EYS: variants seen among roughly 807,000 people sequenced by gnomAD.
EYS encodes protein eyes shut homolog.
Under a neutral mutation model 282.1 loss-of-function variants are expected in EYS, and 250 were observed. The observed-to-expected ratio is 0.89, with a 90% CI of 0.80 to 0.98. The LOEUF (loss-of-function observed/expected upper bound fraction) is 0.98. Among genes scored for constraint, EYS ranks in the 50% least tolerant of loss-of-function variants. The probability of loss-of-function intolerance (pLI) is 0.00; values close to 1 mark genes in which losing one functional copy is unlikely to be tolerated. For missense variants in EYS, 4,016 were observed against 3,709.0 expected (o/e 1.08, Z -2.15); for synonymous variants, 1,355 against 1,282.9 (o/e 1.06, Z -1.20).
chr6:65,138,492 T>A (rs1776085609), intron 12 of EYS, among the ~76,000 whole-genome samples: 1 of 152,122 alleles, frequency 6.6e-6, no homozygotes, highest in Non-Finnish European at 1.5e-5. Flanking sequence ...ATTCCTATTA[T>A]TTCTGCTAAT....
At chr6:63,831,938 A>C (rs1771651004) in intron 36 of EYS, among the ~76,000 whole-genome samples, 1 of 152,226 alleles carries the variant, frequency 6.6e-6, no homozygotes, top group Admixed American at 6.5e-5. Context: ...AACTACATGG[A>C]AACTGAACAA....
chr6:64,917,181 G>A (rs997378638), intron 15 of EYS, among the ~76,000 whole-genome samples: 10 of 151,894 alleles, frequency 6.6e-5, no homozygotes, highest in Non-Finnish European at 1.5e-5. Context: ...CCTGGGTGGC[G>A]GAGGCTGCAG....
chr6:63,771,233 T>G (rs1769920705), intron 40 of EYS, among the ~76,000 whole-genome samples: 1 of 152,094 alleles, frequency 6.6e-6, no homozygotes, highest in African/African-American at 2.4e-5. Context: ...GATAAATTAC[T>G]CTGCCTGAGA....
Position 63,909,560 on chromosome 6 carries a change from T to C in EYS, c.7056-45202A>G, listed in dbSNP as rs116161968. On this transcript the variant is annotated intron_variant, in intron 35 of 42. Coordinates refer to ENST00000503581, the MANE Select transcript of EYS (RefSeq NM_001142800.2). ...AAATTTCAGGAATTTTGAATGCTGG[T>C]TGACATCAAGTTGGTATCTTGAAGT... 6.2e-3 allele frequency among the ~76,000 whole-genome samples: 942 copies of C among 152,314 alleles called. 14 individuals are homozygous for C. The highest frequency in any genetic ancestry group is 0.022 in the African/African-American group (913 of 41,542).
intron 29 of EYS, among the ~76,000 whole-genome samples, chr6:64,341,202 G>A (rs1771095811): frequency 6.6e-6 from 1 of 151,738 alleles, no homozygotes; most frequent in Non-Finnish European, 1.5e-5. Flanking sequence ...CCCATTACTG[G>A]CCATATATCC....
At chr6:64,903,547 CTCTT>C (rs1252628828) in intron 16 of EYS, among the ~76,000 whole-genome samples, 2 of 152,132 alleles carry the variant, frequency 1.3e-5, no homozygotes, top group Non-Finnish European at 2.9e-5. Flanking sequence ...ACTTTTTCTT[CTCTT>C]TCTATCACAA....
chr6:64,738,955 C>T (rs1772278284), intron 22 of EYS, among the ~76,000 whole-genome samples: 1 of 152,148 alleles, frequency 6.6e-6, no homozygotes, highest in Non-Finnish European at 1.5e-5. Flanking sequence ...ACCATGTTGG[C>T]CAGGCTGGCC....
At chr6:64,872,079 G>A (rs1406622703) in intron 19 of EYS, among the ~76,000 whole-genome samples, 5 of 151,974 alleles carry the variant, frequency 3.3e-5, no homozygotes, top group Non-Finnish European at 5.9e-5. Flanking sequence ...TATGGTGGTA[G>A]CAAATTCAAA....
At chr6:65,057,107 T>C (rs1773439466) in intron 13 of EYS, among the ~76,000 whole-genome samples, 1 of 152,018 alleles carries the variant, frequency 6.6e-6, no homozygotes, top group Non-Finnish European at 1.5e-5. Flanking sequence ...ATCTATATAC[T>C]AGTTGCAATA....
At chr6:64,644,438 T>C (rs1157336949) in intron 22 of EYS, among the ~76,000 whole-genome samples, 1 of 152,150 alleles carries the variant, frequency 6.6e-6, no homozygotes, top group African/African-American at 2.4e-5. Flanking sequence ...AGATAGGAGA[T>C]TATTTCTATT....
intron 5 of EYS, among the ~76,000 whole-genome samples, chr6:65,423,653 C>T (rs1767550903): frequency 6.6e-6 from 1 of 151,882 alleles, no homozygotes; most frequent in South Asian, 2.1e-4. Flanking sequence ...TACTTCCCTC[C>T]ATCCTCACAG....
intron 1 of EYS, among the ~76,000 whole-genome samples, chr6:65,674,227 A>G (rs59489245): frequency 0.43 from 65,249 of 151,376 alleles, 15,108 homozygotes; most frequent in East Asian, 0.65. Context: ...TCTTGTTGGA[A>G]GAAATAATGG....
At chr6:63,741,997 C>G in intron 41 of EYS, 1 of 701,724 alleles carries the variant, frequency 1.4e-6, no homozygotes, top group Non-Finnish European at 2.6e-6. Context: ...AGAGAAGGGT[C>G]TTTTTTGTCT....
intron 36 of EYS, 39 bp downstream of exon 36, chr6:63,864,147 T>G (rs1431339772): frequency 7.0e-7 from 1 of 1,423,476 alleles, no homozygotes; most frequent in Non-Finnish European, 9.3e-7. Context: ...TTCACCTCTT[T>G]CTGTCTGTGC....
intron 22 of EYS, among the ~76,000 whole-genome samples, chr6:64,706,018 CA>C (rs34675387): frequency 0.036 from 5,245 of 146,654 alleles, 221 homozygotes; most frequent in African/African-American, 0.1. Flanking sequence ...AAAAATTATT[CA>C]AAAAAAAAAA....
chr6:65,063,661 T>C (rs925159699), intron 12 of EYS, among the ~76,000 whole-genome samples: 1 of 152,084 alleles, frequency 6.6e-6, no homozygotes, highest in Admixed American at 6.6e-5. Flanking sequence ...TTAAAGGAAA[T>C]GTCTTTTCTC....
At chr6:65,555,516 A>C in intron 2 of EYS, among the ~76,000 whole-genome samples, 1 of 152,154 alleles carries the variant, frequency 6.6e-6, no homozygotes, top group East Asian at 1.9e-4. Context: ...TTATATATTT[A>C]ATTTTCACTT....
chr6:64,725,705 G>C (rs544252808), intron 22 of EYS, among the ~76,000 whole-genome samples: 2 of 151,806 alleles, frequency 1.3e-5, no homozygotes, highest in Non-Finnish European at 2.9e-5. Context: ...CCAGCACAGA[G>C]GAAGCAGGAG....
chr6:64,452,927 A>G (rs1775413664), intron 26 of EYS, among the ~76,000 whole-genome samples: 1 of 152,190 alleles, frequency 6.6e-6, no homozygotes. Context: ...CCTAGGCAAT[A>G]CCATTCAGGA....
Sources: gnomAD v4.1 joint callset for allele counts (sites outside exome capture counted in the v4.1 genomes callset) on GRCh38, gnomAD v4.1.1 for gene constraint, MANE v1.5 for transcripts, NCBI Gene and HGNC (gene_info 2026-07-23, HGNC 2026-07-21) for gene names.